Variants in NR3C2 observed in about 807,000 individuals in gnomAD.
NR3C2 encodes the protein mineralocorticoid receptor.
In NR3C2, 15 loss-of-function variants were observed where a neutral mutation model predicts 86.4. That is an observed-to-expected ratio of 0.17 (90% CI 0.12 to 0.27). NR3C2 has a LOEUF of 0.27. Among genes scored for constraint, NR3C2 ranks in the 10% least tolerant of loss-of-function variants. The probability of loss-of-function intolerance (pLI) is 1.00; values close to 1 mark genes in which losing one functional copy is unlikely to be tolerated. For synonymous variants in NR3C2, 458 were observed against 450.5 expected (o/e 1.02, Z -0.21); for missense variants, 960 against 1,195.6 (o/e 0.80, Z 2.91).
At chr4:148,371,971 C>T (rs1746444742) in intron 2 of NR3C2, among the ~76,000 whole-genome samples, 1 of 152,062 alleles carries the variant, frequency 6.6e-6, no homozygotes, top group Non-Finnish European at 1.5e-5. Context: ...ATATCTGTTA[C>T]TATCATATAC....
intron 4 of NR3C2, among the ~76,000 whole-genome samples, chr4:148,165,144 T>C (rs1240910146): frequency 1.3e-5 from 2 of 152,204 alleles, no homozygotes; most frequent in Non-Finnish European, 2.9e-5. Context: ...TTAAAGAATA[T>C]TTAAACTATA....
intron 8 of NR3C2, among the ~76,000 whole-genome samples, chr4:148,102,316 C>T (rs1731575491): frequency 6.6e-6 from 1 of 152,198 alleles, no homozygotes. Context: ...CTGCCGCCTC[C>T]CACATCTGCA....
chr4:148,150,178 T>G (rs1734041845), intron 6 of NR3C2, among the ~76,000 whole-genome samples: 1 of 152,242 alleles, frequency 6.6e-6, no homozygotes, highest in Admixed American at 6.5e-5. Context: ...AAATATTTGC[T>G]GTAGTCATGT....
chr4:148,137,087 A>G (rs1733381614), intron 6 of NR3C2, among the ~76,000 whole-genome samples: 1 of 152,186 alleles, frequency 6.6e-6, no homozygotes, highest in Non-Finnish European at 1.5e-5. Flanking sequence ...TTCATTTATA[A>G]TACTGTACTA....
chr4:148,184,436 G>C (rs960506301), intron 4 of NR3C2, among the ~76,000 whole-genome samples: 12 of 151,326 alleles, frequency 7.9e-5, no homozygotes, highest in Admixed American at 7.2e-4. Context: ...TGGGTGACAA[G>C]AGCAAGACTC....
At chr4:148,199,646 G>A (rs1736616332) in intron 3 of NR3C2, among the ~76,000 whole-genome samples, 1 of 152,142 alleles carries the variant, frequency 6.6e-6, no homozygotes, top group African/African-American at 2.4e-5. Flanking sequence ...CAGGCAGGTT[G>A]AGGAGCAAGG....
chr4:148,111,800 A>G (rs1050993745), intron 8 of NR3C2, among the ~76,000 whole-genome samples: 1 of 152,234 alleles, frequency 6.6e-6, no homozygotes, highest in African/African-American at 2.4e-5. Context: ...CTCGATTCAC[A>G]GAGCGATATA....
At chr4:148,236,759 G>A (rs1460143399) in intron 3 of NR3C2, among the ~76,000 whole-genome samples, 1 of 152,194 alleles carries the variant, frequency 6.6e-6, no homozygotes, top group Non-Finnish European at 1.5e-5. Context: ...TACAGTGTGT[G>A]AAAGGAGGTG....
At chr4:148,125,848 T>C (rs940093251) in intron 6 of NR3C2, among the ~76,000 whole-genome samples, 1 of 152,224 alleles carries the variant, frequency 6.6e-6, no homozygotes, top group African/African-American at 2.4e-5. Context: ...TTGCATATGA[T>C]GATGATAATT....
At chr4:148,237,770 T>C (rs1313006270) in intron 3 of NR3C2, among the ~76,000 whole-genome samples, 1 of 151,874 alleles carries the variant, frequency 6.6e-6, no homozygotes, top group Non-Finnish European at 1.5e-5. Flanking sequence ...AATAGGTGAA[T>C]AGTAGTGATA....
At chr4:148,229,388 A>G (rs181207128) in intron 3 of NR3C2, among the ~76,000 whole-genome samples, 1 of 152,106 alleles carries the variant, frequency 6.6e-6, no homozygotes, top group African/African-American at 2.4e-5. Context: ...ACCCTTCAAT[A>G]TTTCCTCATG....
intron 4 of NR3C2, among the ~76,000 whole-genome samples, chr4:148,173,456 C>A (rs753577844): frequency 3.9e-5 from 6 of 152,084 alleles, no homozygotes; most frequent in Non-Finnish European, 7.4e-5. Flanking sequence ...TGCCTTTAAT[C>A]TGGCTTTGAA....
intron 2 of NR3C2, among the ~76,000 whole-genome samples, chr4:148,279,020 G>A (rs938602401): frequency 6.6e-6 from 1 of 152,062 alleles, no homozygotes; most frequent in African/African-American, 2.4e-5. Context: ...AAAATTAGCT[G>A]GGCGTGGTGG....
At chr4:148,236,411 T>C (rs1483962304) in intron 3 of NR3C2, among the ~76,000 whole-genome samples, 1 of 152,186 alleles carries the variant, frequency 6.6e-6, no homozygotes, top group African/African-American at 2.4e-5. Context: ...AAATCCTATA[T>C]GCTTTTCATA....
chr4:148,120,404 C>T, intron 6 of NR3C2, 116 bp from the exon 7 acceptor site: 1 of 1,232,008 alleles, frequency 8.1e-7, no homozygotes, highest in Non-Finnish European at 1.2e-6. Flanking sequence ...TTGGCTTCAA[C>T]ATGGAGCAGA....
chr4:148,122,089 C>T (rs1732533384), intron 6 of NR3C2, among the ~76,000 whole-genome samples: 1 of 152,062 alleles, frequency 6.6e-6, no homozygotes, highest in Non-Finnish European at 1.5e-5. Context: ...CATTTTTTTT[C>T]TATTTGATGG....
intron 8 of NR3C2, among the ~76,000 whole-genome samples, chr4:148,105,025 A>G (rs1731731170): frequency 6.6e-6 from 1 of 152,242 alleles, no homozygotes; most frequent in Admixed American, 6.5e-5. Context: ...ACATAGCCAA[A>G]TGTGCAGCTT....
intron 2 of NR3C2, among the ~76,000 whole-genome samples, chr4:148,399,400 T>G (rs1748025328): frequency 6.6e-6 from 1 of 151,694 alleles, no homozygotes; most frequent in Non-Finnish European, 1.5e-5. Flanking sequence ...ACACTACATA[T>G]TAAATGACAT....
At chr4:148,395,208 T>C (rs1458037980) in intron 2 of NR3C2, among the ~76,000 whole-genome samples, 2 of 152,194 alleles carry the variant, frequency 1.3e-5, no homozygotes, top group Non-Finnish European at 2.9e-5. Flanking sequence ...AAAATAAATA[T>C]TAATTAGTAT....
Sources: allele counts gnomAD v4.1 joint callset (sites outside exome capture counted in the v4.1 genomes callset), GRCh38; gene constraint gnomAD v4.1.1; transcripts MANE v1.5; gene names NCBI Gene and HGNC (gene_info 2026-07-23, HGNC 2026-07-21).